The following MRTFB variants were observed in gnomAD, a reference collection of about 807,000 sequenced individuals.
The protein encoded by MRTFB is myocardin related transcription factor B.
In MRTFB, 29 loss-of-function variants were observed where a neutral mutation model predicts 104.2. The ratio of observed to expected loss-of-function variants is 0.28; its 90% confidence interval spans 0.21 to 0.38. The LOEUF (loss-of-function observed/expected upper bound fraction) is 0.38. Among genes scored for constraint, MRTFB ranks in the 10% least tolerant of loss-of-function variants. MRTFB has a pLI of 1.00. For missense variants in MRTFB, 1,270 were observed against 1,341.6 expected (o/e 0.95, Z 0.83); for synonymous variants, 535 against 519.5 (o/e 1.03, Z -0.41).
At chr16:14,186,040 T>G (rs541081742) in intron 3 of MRTFB, among the ~76,000 whole-genome samples, 1 of 152,334 alleles carries the variant, frequency 6.6e-6, no homozygotes, top group South Asian at 2.1e-4. Context: ...TTGCCGCTTT[T>G]AATGCATGGG....
At chr16:14,185,870 G>C (rs960203516) in intron 3 of MRTFB, among the ~76,000 whole-genome samples, 2 of 152,184 alleles carry the variant, frequency 1.3e-5, no homozygotes, top group African/African-American at 4.8e-5. Flanking sequence ...ACATTTGCCT[G>C]GAATTCCTGT....
In MRTFB at chr16:14,178,216, A is replaced by G. The variant is rs534442443; in HGVS notation, c.155-32027A>G. On this transcript the variant is annotated intron_variant, in intron 3 of 16. Coordinates refer to ENST00000571589, the MANE Select transcript of MRTFB (RefSeq NM_001308142.2). ...AATTTACTTCTTCCTCAAAGATGGA[A>G]GGATGGGAGTGGGAAGGTTCTGTAG... Among the ~76,000 whole-genome samples, 7 of 152,300 alleles carry G rather than the reference A, an allele frequency of 4.6e-5. No homozygotes were observed. In the East Asian group the frequency reaches 1.2e-3, roughly 25 times the overall value.
intron 4 of MRTFB, 82 bp downstream of exon 4, chr16:14,210,390 C>G: frequency 9.6e-7 from 1 of 1,040,842 alleles, no homozygotes; most frequent in Non-Finnish European, 1.4e-6. Flanking sequence ...TCTTGCTCTG[C>G]TTTCAGTTGT....
intron 2 of MRTFB, among the ~76,000 whole-genome samples, chr16:14,114,746 T>C (rs2036450219): frequency 6.6e-6 from 1 of 152,238 alleles, no homozygotes; most frequent in Non-Finnish European, 1.5e-5. Flanking sequence ...TGTAGATTCC[T>C]TTCTAGTGCA....
intron 3 of MRTFB, among the ~76,000 whole-genome samples, chr16:14,158,653 A>C (rs1017905689): frequency 1.3e-5 from 2 of 152,216 alleles, no homozygotes; most frequent in African/African-American, 4.8e-5. Flanking sequence ...ATATGGCTAT[A>C]AAAGGTATAA....
In MRTFB at chr16:14,261,501, AGGTC is replaced by A; in HGVS notation, c.*58_*61del. Reference sequence around the variant, plus strand: ...GGTTTAAGAACATGAAGATTCTAAAAGGTCAGTTTTTAGAGATAGATCTATAGTT... The same window carrying A: ...GGTTTAAGAACATGAAGATTCTAAAAAGTTTTTAGAGATAGATCTATAGTT... On this transcript the variant is annotated 3_prime_UTR_variant, in exon 17 of 17. Coordinates refer to ENST00000571589, the MANE Select transcript of MRTFB (RefSeq NM_001308142.2). 1 of 1,494,390 alleles carries A rather than the reference AGGTC, an allele frequency of 6.7e-7. No individual in the cohort carries two copies. Among genetic ancestry groups the A allele is most frequent in the Non-Finnish European group, 9.0e-7 (1 of 1,111,228 alleles). The allele number at this position is 1,494,390 out of a possible 1,614,324, so 92.6% of individuals were successfully genotyped here. A position where few individuals can be genotyped will look rare whatever the true frequency, so the allele number is the denominator to read the frequency against.
chr16:14,231,377 G>A (rs1005822076), intron 8 of MRTFB, among the ~76,000 whole-genome samples: 1 of 152,104 alleles, frequency 6.6e-6, no homozygotes, highest in African/African-American at 2.4e-5. Context: ...TATCTCTTAT[G>A]GCCTGAATAC....
chr16:14,226,475 C>T (rs1201639554), intron 8 of MRTFB, among the ~76,000 whole-genome samples: 1 of 152,032 alleles, frequency 6.6e-6, no homozygotes, highest in Admixed American at 6.6e-5. Flanking sequence ...AACTGGATAT[C>T]CACATGCAAA....
chr16:14,120,728 C>T (rs1037220527), intron 2 of MRTFB, among the ~76,000 whole-genome samples: 1 of 152,110 alleles, frequency 6.6e-6, no homozygotes, highest in Non-Finnish European at 1.5e-5. Context: ...CTGTTAAGAA[C>T]CTTGAGTGGA....
rs771262116 is a variant in MRTFB, at chr16:14,245,620, G to C, written c.1172G>C (p.Arg391Thr). Residue 391 changes from arginine (R) to threonine (T), a missense_variant, in exon 11 of 17, where the codon AGA becomes ACA. Physicochemically the swap from Arg to Thr is moderately conservative, Grantham distance 71 (BLOSUM62 -1). Transcript: ENST00000571589. Reference sequence around the variant, plus strand: ...AGACAGAATACATCTACTCCTGTGAGAAAGCCAGGACCTCTGCCTTCTAGC... The same window carrying C: ...AGACAGAATACATCTACTCCTGTGACAAAGCCAGGACCTCTGCCTTCTAGC... ...TPRQNTSTPV[R>T]KPGPLPSSLD... is the part of the protein sequence containing the mutation. 8 of 1,613,918 alleles carry C rather than the reference G, an allele frequency of 5.0e-6. No individual in the cohort carries two copies. The highest frequency in any genetic ancestry group is 5.9e-6 in the Non-Finnish European group (7 of 1,179,994).
upstream of MRTFB, among the ~76,000 whole-genome samples, chr16:14,067,120 T>C (rs1378445783): frequency 1.3e-5 from 2 of 152,118 alleles, no homozygotes; most frequent in Non-Finnish European, 2.9e-5. Flanking sequence ...TGTGTCAGGA[T>C]GGAAACCTAA....
the MRTFB span, among the ~76,000 whole-genome samples, chr16:14,024,927 C>T: frequency 2.4e-3 from 371 of 152,182 alleles, 1 homozygote; most frequent in South Asian, 5.2e-3. Context: ...CCCCAAGGTC[C>T]CCAGTGGAGC....
chr16:14,195,578 C>T (rs2040397492), intron 3 of MRTFB: 1 of 985,214 alleles, frequency 1.0e-6, no homozygotes, highest in South Asian at 4.7e-5. Flanking sequence ...CATGTGCTTA[C>T]TATTCTGGGA....
At chr16:14,057,433 G>A in the MRTFB span, among the ~76,000 whole-genome samples, 1 of 152,032 alleles carries the variant, frequency 6.6e-6, no homozygotes, top group South Asian at 2.1e-4. Flanking sequence ...CAACACACAT[G>A]TTGTTCCCTT....
intron 8 of MRTFB, among the ~76,000 whole-genome samples, chr16:14,220,022 T>C (rs962374367): frequency 2.6e-5 from 4 of 152,174 alleles, no homozygotes; most frequent in Non-Finnish European, 5.9e-5. Context: ...TCCATGTGAA[T>C]GTAGAGCCGC....
intron 2 of MRTFB, among the ~76,000 whole-genome samples, chr16:14,115,712 T>G (rs1287519163): frequency 1.3e-5 from 2 of 152,212 alleles, no homozygotes; most frequent in African/African-American, 4.8e-5. Context: ...TCAAATCAGC[T>G]CAGATTCTGA....
At chr16:14,144,167 T>C (rs890305337) in intron 3 of MRTFB, 1 of 152,244 alleles carries the variant, frequency 6.6e-6, no homozygotes, top group African/African-American at 2.4e-5. Flanking sequence ...CCAATGTGTT[T>C]TCTTCAAGAG....
At chr16:14,114,185 A>G (rs899473768) in intron 2 of MRTFB, among the ~76,000 whole-genome samples, 7 of 152,220 alleles carry the variant, frequency 4.6e-5, no homozygotes, top group South Asian at 4.1e-4. Context: ...GAATATCTCA[A>G]TTATGCTTCT....
At chr16:14,214,136 C>T (rs958485806) in intron 6 of MRTFB, among the ~76,000 whole-genome samples, 7 of 152,148 alleles carry the variant, frequency 4.6e-5, no homozygotes, top group Non-Finnish European at 8.8e-5. Flanking sequence ...TCATCACTTA[C>T]GAGGCTGGTA....
Sources: gnomAD v4.1 joint callset for allele counts (sites outside exome capture counted in the v4.1 genomes callset) on GRCh38, gnomAD v4.1.1 for gene constraint, MANE v1.5 for transcripts, NCBI Gene and HGNC (gene_info 2026-07-23, HGNC 2026-07-21) for gene names.